OTOF: variants seen among roughly 807,000 people sequenced by gnomAD.
OTOF encodes the protein otoferlin.
Under a neutral mutation model 236.8 loss-of-function variants are expected in OTOF, and 218 were observed. The observed-to-expected ratio is 0.92, with a 90% CI of 0.82 to 1.03. The LOEUF is 1.03. Among genes scored for constraint, OTOF ranks in the 50% least tolerant of loss-of-function variants. The pLI, the probability that OTOF is intolerant of heterozygous loss-of-function variation, is 0.00. For missense variants in OTOF, 2,590 were observed against 2,694.4 expected, an observed-to-expected ratio of 0.96 and a Z score of 0.86; for synonymous variants, 1,041 against 1,072.5, an observed-to-expected ratio of 0.97 and a Z score of 0.57.
chr2:26,461,939 T>G lies in OTOF; in HGVS notation c.5292-2A>C. ...TCCTCCTGCTGGCCCTTCAGCCACC[T>G]GTGGGCGCCACATCTCCAGACCCGC... On this transcript the variant is annotated splice_acceptor_variant, in intron 42 of 46. Transcript: ENST00000272371. LOFTEE classifies it high-confidence loss of function. The surrounding 1 kb of genome is among the most constrained non-coding windows in gnomAD (Gnocchi z 6.2). The G allele has an allele frequency of 6.2e-7, 1 of 1,614,050 alleles. No homozygotes were observed. The highest frequency in any genetic ancestry group is 8.5e-7 in the Non-Finnish European group (1 of 1,179,982).
intron 1 of OTOF, among the ~76,000 whole-genome samples, chr2:26,552,987 C>T (rs1667500748): frequency 3.3e-5 from 5 of 152,214 alleles, no homozygotes; most frequent in Admixed American, 3.3e-4. Context: ...ACTGGGTATT[C>T]TGCCTCCTTT....
At chr2:26,471,416 G>A (rs1245270212) in intron 30 of OTOF, among the ~76,000 whole-genome samples, 1 of 152,100 alleles carries the variant, frequency 6.6e-6, no homozygotes, top group Non-Finnish European at 1.5e-5. Flanking sequence ...TTCCCTGTAG[G>A]GTCTACAGCT....
intron 46 of OTOF, among the ~76,000 whole-genome samples, chr2:26,458,503 C>T (rs925271178): frequency 4.6e-5 from 7 of 152,222 alleles, no homozygotes; most frequent in Non-Finnish European, 1.0e-4. Flanking sequence ...CAGTTCTCAT[C>T]GTTAGGAAGC....
At chr2:26,493,268 G>T (rs1240010875) in intron 9 of OTOF, among the ~76,000 whole-genome samples, 2 of 152,124 alleles carry the variant, frequency 1.3e-5, no homozygotes, top group African/African-American at 4.8e-5. Context: ...GGGCAGAGGT[G>T]GGCCTGGGTT....
chr2:26,483,453 C>T lies in OTOF; in HGVS notation c.1392+9G>A, dbSNP rs774778339. The T allele has an allele frequency of 1.1e-5, 18 of 1,613,086 alleles. No individual in the cohort carries two copies. The South Asian group carries it at 1.9e-4, about 17-fold the overall frequency. On this transcript the variant is annotated intron_variant, in intron 13 of 46. Transcript: ENST00000272371. ...CAGCCCCAGCCTCCTGTACCTCATA[C>T]CCCAGTACCTTCTGGCCAGCAAAGA...
chr2:26,519,062 C>G lies in OTOF; in HGVS notation c.275G>C (p.Ser92Thr). 6.2e-7 allele frequency: 1 copy of G among 1,609,734 alleles called. No individual in the cohort carries two copies. Among genetic ancestry groups the G allele is most frequent in the Non-Finnish European group, 8.5e-7 (1 of 1,177,562 alleles). The change falls in exon 4 of 47, where the codon AGC becomes ACC. Residue 92 changes from serine to threonine, a missense_variant. By Grantham distance (58) the Ser-to-Thr change is moderately conservative. This residue lies in a region of OTOF where 1,379 missense variants were observed against 1,341.6 expected (regional missense o/e 1.03). Coordinates refer to ENST00000272371, the MANE Select transcript of OTOF (RefSeq NM_194248.3). Reference sequence around the variant, plus strand: ...CAGCGTGTCAGTCACCTCCACATGGCTCTCCTCTACCACCTTCTGCAGCAC... The same window carrying G: ...CAGCGTGTCAGTCACCTCCACATGGGTCTCCTCTACCACCTTCTGCAGCAC... ...RMVLQKVVEESHVEVTDTLID... is the reference protein window; with the variant it reads ...RMVLQKVVEETHVEVTDTLID...
Position 26,558,517 on chromosome 2 carries a change from G to A in OTOF, c.55C>T (p.Arg19Trp), listed in dbSNP as rs727504985. The A allele has an allele frequency of 2.1e-5, 34 of 1,613,780 alleles. No homozygotes were observed. Among genetic ancestry groups the A allele is most frequent in the Admixed American group, 1.2e-4 (7 of 59,994 alleles). Residue 19 changes from arginine to tryptophan, a missense_variant, in exon 1 of 47, where the codon CGG becomes TGG. Around this residue, in one of 2 missense-constraint regions of OTOF, gnomAD observed 1,379 missense variants for 1,341.6 expected, o/e 1.03. Transcript: ENST00000272371. ...CCTCGGAAAGTCACTTTGGCGATCC[G>A]GTCGCCCCTGCCCCGCAGCTCCGAG... ...TVSELRGRGDRIAKVTFRGQS... is the reference protein window; with the variant it reads ...TVSELRGRGDWIAKVTFRGQS...
At position 26,514,662 on chromosome 2, in the gene OTOF, T is replaced by C. The variant is rs182306489; in HGVS notation, c.509+1756A>G. ...AGTTGGAGGGGAGCCAGATGTAACT[T>C]GCTGAACCCATTCCTGTCACTGACC... On this transcript the variant is annotated intron_variant, in intron 5 of 46. Coordinates refer to ENST00000272371, the MANE Select transcript of OTOF (RefSeq NM_194248.3). 1.5e-4 allele frequency among the ~76,000 whole-genome samples: 23 copies of C among 152,330 alleles called. No homozygotes were observed. The East Asian group carries it at 4.1e-3, about 27-fold the overall frequency.
At chr2:26,550,902 G>A (rs75429461) in intron 1 of OTOF, among the ~76,000 whole-genome samples, 11,371 of 152,018 alleles carry the variant, frequency 0.075, 1,256 homozygotes, top group African/African-American at 0.24. Flanking sequence ...CCTGCCTTCC[G>A]GTCTCCCCTC....
At chr2:26,557,427 G>C (rs544816726) in intron 1 of OTOF, among the ~76,000 whole-genome samples, 1 of 152,280 alleles carries the variant, frequency 6.6e-6, no homozygotes, top group East Asian at 1.9e-4. Flanking sequence ...GGGTGGTGAA[G>C]GACAGAGTCA....
At chr2:26,522,637 T>G (rs1666704694) in intron 3 of OTOF, among the ~76,000 whole-genome samples, 1 of 152,238 alleles carries the variant, frequency 6.6e-6, no homozygotes, top group African/African-American at 2.4e-5. Context: ...TGGGCTCATA[T>G]GCTCCTTAGA....
rs761627839 is a variant in OTOF, at chr2:26,476,991, C to G, written c.2576G>C (p.Arg859Pro). Reference protein sequence around the residue: ...IFIWMMSNNKRVAYARVPSKD... With the variant: ...IFIWMMSNNKPVAYARVPSKD... ...GGAGGGCACACGGGCATAGGCGACA[C>G]GCTTGTTGTTGCTCATCATCCAGAT... Residue 859 changes from arginine to proline, a missense_variant, in exon 22 of 47, where the codon CGT becomes CCT. By Grantham distance (103) the Arg-to-Pro change is moderately radical. This residue lies in a region of OTOF where 1,379 missense variants were observed against 1,341.6 expected (regional missense o/e 1.03). Coordinates refer to ENST00000272371, the MANE Select transcript of OTOF (RefSeq NM_194248.3). 6.2e-7 allele frequency: 1 copy of G among 1,611,638 alleles called. No individual in the cohort carries two copies. Among genetic ancestry groups the G allele is most frequent in the East Asian group, 2.2e-5 (1 of 44,826 alleles).
At chr2:26,511,290 C>T (rs565189751) in intron 5 of OTOF, among the ~76,000 whole-genome samples, 46 of 151,224 alleles carry the variant, frequency 3.0e-4, no homozygotes, top group Non-Finnish European at 5.3e-4. Context: ...GGAGTGCACA[C>T]GGGTGGTTGG....
At chr2:26,537,875 C>A in intron 1 of OTOF, 101 bp from the exon 2 acceptor site, 1 of 875,838 alleles carries the variant, frequency 1.1e-6, no homozygotes, top group Non-Finnish European at 1.9e-6. Context: ...CAGCATTTGA[C>A]TTTTCATGCA....
rs1323098512 is a variant in OTOF at position 26,473,367 on chromosome 2, A to G, written c.3570+39T>C. The G allele has an allele frequency of 4.3e-6, 7 of 1,612,906 alleles. No individual in the cohort carries two copies. The South Asian group carries it at 6.6e-5, about 15-fold the overall frequency. On this transcript the variant is annotated intron_variant, in intron 28 of 46. Coordinates refer to ENST00000272371, the MANE Select transcript of OTOF (RefSeq NM_194248.3). This position sits in a 1 kb window ranked among gnomAD's most constrained non-coding sequence, Gnocchi z 7.2. Reference sequence around the variant, plus strand: ...AAGCCGGCTGGCTGAGTGGAGCCACACTGGCCACAGGATGTCCTCCGCCAG... The same window carrying G: ...AAGCCGGCTGGCTGAGTGGAGCCACGCTGGCCACAGGATGTCCTCCGCCAG...
chr2:26,522,934 G>C (rs553478523), intron 3 of OTOF, among the ~76,000 whole-genome samples: 7 of 152,362 alleles, frequency 4.6e-5, no homozygotes, highest in African/African-American at 7.2e-5. Flanking sequence ...GAGGGGCTGG[G>C]CGGCTGGGCA....
At chr2:26,518,890 T>C in intron 4 of OTOF, 120 bp downstream of exon 4, 1 of 761,244 alleles carries the variant, frequency 1.3e-6, no homozygotes, top group Non-Finnish European at 2.3e-6. Context: ...CTCCTCCTCC[T>C]GCGACACCTC....
At chr2:26,556,578 AG>A (rs1667591168) in intron 1 of OTOF, among the ~76,000 whole-genome samples, 1 of 152,142 alleles carries the variant, frequency 6.6e-6, no homozygotes, top group Non-Finnish European at 1.5e-5. Flanking sequence ...CTGTGTGGTC[AG>A]TGAGGCTAAA....
At chr2:26,465,574 A>G in intron 38 of OTOF, 98 bp downstream of exon 38, 1 of 1,350,352 alleles carries the variant, frequency 7.4e-7, no homozygotes, top group Non-Finnish European at 1.1e-6. Context: ...CAGAAACCAC[A>G]ATGTCTAACC....
Sources: gnomAD v4.1 joint callset for allele counts (sites outside exome capture counted in the v4.1 genomes callset) on GRCh38, gnomAD v4.1.1 for gene constraint, gnomAD v4.1.1 regional missense constraint, Gnocchi (gnomAD v3.1) non-coding constraint, MANE v1.5 for transcripts, NCBI Gene and HGNC (gene_info 2026-07-23, HGNC 2026-07-21) for gene names.